The following RASGRP3 variants were observed in gnomAD, a reference collection of about 807,000 sequenced individuals.
RASGRP3 encodes RAS guanyl releasing protein 3.
In RASGRP3, 54 loss-of-function variants were observed where a neutral mutation model predicts 82.7. The ratio of observed to expected loss-of-function variants is 0.65; its 90% CI spans 0.52 to 0.82. The LOEUF (loss-of-function observed/expected upper bound fraction) is 0.82. Among genes scored for constraint, RASGRP3 ranks in the 40% least tolerant of loss-of-function variants. The pLI is 0.00. For synonymous variants in RASGRP3, 309 were observed against 300.5 expected, an observed-to-expected ratio of 1.03 and a Z score of -0.29; for missense variants, 861 against 828.9, an observed-to-expected ratio of 1.04 and a Z score of -0.48.
chr2:33,515,011 G>T lies in RASGRP3; in HGVS notation c.-126G>T, dbSNP rs567000061. 2.1e-4 allele frequency: 177 copies of T among 833,264 alleles called. No homozygotes were observed. In the Middle Eastern group the frequency reaches 3.4e-3, roughly 16 times the overall value. 51.6% of individuals were successfully genotyped at this position (833,264 alleles called of 1,614,324 possible). On this transcript the variant is annotated splice_region_variant and 5_prime_UTR_variant, in exon 3 of 18. Transcript: ENST00000403687. ...TCTCTCTTTTTTCTTTTTTTTTAGA[G>T]TTTTCTTGAAGTACAACTAAGGACA...
intron 14 of RASGRP3, among the ~76,000 whole-genome samples, chr2:33,551,668 C>G (rs946195601): frequency 6.6e-6 from 1 of 152,014 alleles, no homozygotes; most frequent in African/African-American, 2.4e-5. Flanking sequence ...GAGACACCTG[C>G]CACTGCCATC....
At chr2:33,529,487 C>CTAAAAAAAAAAAAAAAAA (rs1672897473) in intron 10 of RASGRP3, among the ~76,000 whole-genome samples, 1 of 57,028 alleles carries the variant, frequency 1.8e-5, no homozygotes, top group African/African-American at 9.3e-5. Flanking sequence ...GACTCCATCT[C>CTAAAAAAAAAAAAAAAAA]AAAAAAAAAA....
intron 1 of RASGRP3, chr2:33,481,088 C>T (rs2150937117): frequency 6.6e-6 from 1 of 152,352 alleles, no homozygotes; most frequent in East Asian, 1.9e-4. Context: ...AAGTAACTGT[C>T]AGAGCTCAAC....
chr2:33,480,387 G>C (rs1667788509), intron 1 of RASGRP3, among the ~76,000 whole-genome samples: 1 of 152,122 alleles, frequency 6.6e-6, no homozygotes, highest in South Asian at 2.1e-4. Flanking sequence ...CCTGCCTGCT[G>C]CCTCTAAAAC....
At chr2:33,486,442 A>G (rs1402160828) in intron 1 of RASGRP3, among the ~76,000 whole-genome samples, 1 of 152,208 alleles carries the variant, frequency 6.6e-6, no homozygotes, top group Non-Finnish European at 1.5e-5. Flanking sequence ...TGTTGGGATT[A>G]CAGCTGTGAG....
chr2:33,514,827 C>G (rs1038649449), intron 2 of RASGRP3, among the ~76,000 whole-genome samples, 183 bp from the exon 3 acceptor site: 2 of 152,066 alleles, frequency 1.3e-5, no homozygotes, highest in Non-Finnish European at 2.9e-5. Flanking sequence ...CATCCATCCC[C>G]GAGAACAGCT....
chr2:33,446,320 CTAAT>C (rs950539513), intron 1 of RASGRP3, among the ~76,000 whole-genome samples: 1 of 152,084 alleles, frequency 6.6e-6, no homozygotes, highest in Non-Finnish European at 1.5e-5. Context: ...CCACGCCGGG[CTAAT>C]TTTTTTGTAT....
intron 1 of RASGRP3, among the ~76,000 whole-genome samples, chr2:33,490,522 C>T (rs1400348114): frequency 6.6e-6 from 1 of 152,188 alleles, no homozygotes; most frequent in Non-Finnish European, 1.5e-5. Context: ...CTTCAGCTTC[C>T]ATTCTATCCC....
intron 2 of RASGRP3, among the ~76,000 whole-genome samples, chr2:33,466,490 C>T (rs909902180): frequency 2.0e-5 from 3 of 152,024 alleles, no homozygotes; most frequent in Admixed American, 6.6e-5. Flanking sequence ...ACCAGCCTGA[C>T]CAACATGGTG....
chr2:33,460,972 T>G (rs1315487900), intron 2 of RASGRP3, among the ~76,000 whole-genome samples: 1 of 152,268 alleles, frequency 6.6e-6, no homozygotes, highest in Non-Finnish European at 1.5e-5. Flanking sequence ...CAAACTTCAC[T>G]GCTTAGGTTG....
chr2:33,450,038 G>A (rs1020663125), intron 2 of RASGRP3, among the ~76,000 whole-genome samples: 3 of 152,140 alleles, frequency 2.0e-5, no homozygotes, highest in Non-Finnish European at 2.9e-5. Flanking sequence ...TGGGACTAGA[G>A]TCTTCGGAAG....
At chr2:33,469,711 T>C (rs1666945344) in intron 2 of RASGRP3, among the ~76,000 whole-genome samples, 1 of 152,176 alleles carries the variant, frequency 6.6e-6, no homozygotes, top group Non-Finnish European at 1.5e-5. Context: ...TCTGCCCACC[T>C]CGGCCTCCCA....
chr2:33,539,691 C>G (rs1674037334), intron 12 of RASGRP3: 1 of 152,436 alleles, frequency 6.6e-6, no homozygotes, highest in African/African-American at 2.4e-5. Context: ...AAGGCTCTGT[C>G]AGAGTTTTCC....
chr2:33,530,464 G>C (rs920816965), intron 10 of RASGRP3, among the ~76,000 whole-genome samples: 1 of 151,294 alleles, frequency 6.6e-6, no homozygotes. Context: ...AGCCTGGGCA[G>C]GGCTGTGAGT....
chr2:33,523,431 C>T (rs1427593353), intron 7 of RASGRP3, among the ~76,000 whole-genome samples: 2 of 150,410 alleles, frequency 1.3e-5, no homozygotes, highest in Non-Finnish European at 2.9e-5. Context: ...CGCCACTGCA[C>T]TCCAGCCTGG....
At chr2:33,504,252 C>T (rs1271579452) in intron 1 of RASGRP3, among the ~76,000 whole-genome samples, 1 of 151,980 alleles carries the variant, frequency 6.6e-6, no homozygotes, top group African/African-American at 2.4e-5. Context: ...AGTATCTTTC[C>T]TGTCAAGAAG....
rs772981634 is a variant in RASGRP3, at chr2:33,555,512, C to A, written c.1543-19C>A. The A allele has an allele frequency of 6.3e-7, 1 of 1,586,530 alleles. No homozygotes were observed. The highest frequency in any genetic ancestry group is 1.1e-5 in the South Asian group (1 of 88,210). ...ATCTATCCTCAGATTCCCTGACATT[C>A]CTTTGTCTTTTGTTACAGCTCTGGG... On this transcript the variant is annotated intron_variant, in intron 14 of 17. Transcript: ENST00000403687.
At chr2:33,481,525 C>T (rs1667894944) in intron 1 of RASGRP3, 1 of 152,094 alleles carries the variant, frequency 6.6e-6, no homozygotes, top group Admixed American at 6.5e-5. Context: ...CTTACACAAT[C>T]TGTGGAATTA....
chr2:33,551,636 A>C (rs1401527186), intron 14 of RASGRP3, among the ~76,000 whole-genome samples: 1 of 151,902 alleles, frequency 6.6e-6, no homozygotes, highest in Non-Finnish European at 1.5e-5. Flanking sequence ...CAAGAGTTCA[A>C]CTCCAGCCTG....
Sources: allele counts gnomAD v4.1 joint callset (sites outside exome capture counted in the v4.1 genomes callset), GRCh38; gene constraint gnomAD v4.1.1; transcripts MANE v1.5; gene names NCBI Gene and HGNC (gene_info 2026-07-23, HGNC 2026-07-21).